The following ARHGAP15 variants were observed in gnomAD, a reference collection of about 807,000 sequenced individuals.
ARHGAP15 encodes rho GTPase-activating protein 15.
Under a neutral mutation model 63.7 loss-of-function variants are expected in ARHGAP15, and 51 were observed. That is an observed-to-expected ratio of 0.80 (90% CI 0.64 to 1.01). ARHGAP15 has a LOEUF of 1.01. Among genes scored for constraint, ARHGAP15 ranks in the 50% least tolerant of loss-of-function variants. The pLI, the probability that ARHGAP15 is intolerant of heterozygous loss-of-function variation, is 0.00. For synonymous variants in ARHGAP15, 191 were observed against 193.8 expected (o/e 0.99, Z 0.12); for missense variants, 560 against 564.6 (o/e 0.99, Z 0.08).
chr2:143,277,720 C>T (rs1681630929), intron 6 of ARHGAP15, among the ~76,000 whole-genome samples: 1 of 152,054 alleles, frequency 6.6e-6, no homozygotes, highest in African/African-American at 2.4e-5. Flanking sequence ...GTAAAATGGG[C>T]CATGATTCCT....
At chr2:143,160,727 A>G (rs147763730) in intron 2 of ARHGAP15, among the ~76,000 whole-genome samples, 4 of 152,110 alleles carry the variant, frequency 2.6e-5, no homozygotes, top group African/African-American at 9.6e-5. Context: ...TGCCCCTGGG[A>G]GAAGAAGATT....
intron 10 of ARHGAP15, among the ~76,000 whole-genome samples, chr2:143,536,869 A>G (rs1198837168): frequency 6.6e-6 from 1 of 152,108 alleles, no homozygotes; most frequent in Non-Finnish European, 1.5e-5. Context: ...CATGATTTAT[A>G]ATCCTTTGGG....
intron 2 of ARHGAP15, among the ~76,000 whole-genome samples, chr2:143,193,663 G>A (rs1167248750): frequency 6.6e-6 from 1 of 152,126 alleles, no homozygotes. Context: ...ATTGTTCAAA[G>A]CTTGGCTTCC....
intron 10 of ARHGAP15, among the ~76,000 whole-genome samples, chr2:143,555,457 T>C (rs1488077544): frequency 6.6e-6 from 1 of 152,184 alleles, no homozygotes; most frequent in African/African-American, 2.4e-5. Flanking sequence ...GAATATACAT[T>C]CTTGACATTA....
chr2:143,766,879 T>C (rs2072940799), intron 13 of ARHGAP15: 1 of 152,160 alleles, frequency 6.6e-6, no homozygotes, highest in Non-Finnish European at 1.5e-5. Context: ...ATACCAGTCT[T>C]TCTGCCACCT....
At chr2:143,600,960 A>G (rs1037528295) in intron 11 of ARHGAP15, among the ~76,000 whole-genome samples, 6 of 152,320 alleles carry the variant, frequency 3.9e-5, no homozygotes, top group African/African-American at 1.4e-4. Context: ...CACATTTAAA[A>G]TATGACCTAT....
intron 6 of ARHGAP15, among the ~76,000 whole-genome samples, chr2:143,389,606 G>A (rs960972222): frequency 6.6e-6 from 1 of 152,136 alleles, no homozygotes. Flanking sequence ...GCACCTTTCT[G>A]TATCACTGTT....
chr2:143,751,436 C>G (rs1686369072), intron 13 of ARHGAP15, among the ~76,000 whole-genome samples: 1 of 152,176 alleles, frequency 6.6e-6, no homozygotes, highest in South Asian at 2.1e-4. Context: ...CATCAAGGGT[C>G]CAGCACAGTC....
At chr2:143,344,341 TATC>T (rs2105294392) in intron 6 of ARHGAP15, 1 of 152,254 alleles carries the variant, frequency 6.6e-6, no homozygotes, top group Non-Finnish European at 1.5e-5. Context: ...TGTATGTAAA[TATC>T]AACAAGTTTT....
intron 10 of ARHGAP15, among the ~76,000 whole-genome samples, chr2:143,554,865 A>T (rs1695721575): frequency 6.6e-6 from 1 of 152,118 alleles, no homozygotes; most frequent in Non-Finnish European, 1.5e-5. Context: ...ACGAAGAAAA[A>T]ATATATTGAT....
intron 6 of ARHGAP15, among the ~76,000 whole-genome samples, chr2:143,362,073 G>A (rs1158260886): frequency 2.0e-5 from 3 of 152,052 alleles, no homozygotes; most frequent in Non-Finnish European, 4.4e-5. Context: ...TTTTAACCAG[G>A]AATGCTGTTC....
chr2:143,349,021 A>AT (rs1434541582), intron 6 of ARHGAP15, among the ~76,000 whole-genome samples: 2 of 152,190 alleles, frequency 1.3e-5, no homozygotes, highest in African/African-American at 2.4e-5. Context: ...AAGGAATGAA[A>AT]TAACTCCTAA....
intron 6 of ARHGAP15, among the ~76,000 whole-genome samples, chr2:143,319,375 T>C (rs1436755113): frequency 6.6e-6 from 1 of 151,702 alleles, no homozygotes; most frequent in Non-Finnish European, 1.5e-5. Flanking sequence ...CAGGCGCGCA[T>C]CACCATGCCT....
In ARHGAP15 at chr2:143,178,186, C is replaced by T. The variant is rs114501861; in HGVS notation, c.165+22531C>T. On this transcript the variant is annotated intron_variant, in intron 2 of 13. Coordinates refer to ENST00000295095, the MANE Select transcript of ARHGAP15 (RefSeq NM_018460.4). ...AGGAGGATTACAAGATTTATTATGC[C>T]GCACCATAATTATCTATCAATGGTC... 7.5e-3 allele frequency among the ~76,000 whole-genome samples: 1,145 copies of T among 152,228 alleles called. 8 individuals carry two copies. Among genetic ancestry groups the T allele is most frequent in the Non-Finnish European group, 8.8e-3 (598 of 68,020 alleles).
chr2:143,136,742 G>T (rs1246530645), intron 1 of ARHGAP15, among the ~76,000 whole-genome samples: 1 of 151,938 alleles, frequency 6.6e-6, no homozygotes, highest in African/African-American at 2.4e-5. Flanking sequence ...TTTACAATTT[G>T]TCTTCTTTCA....
intron 6 of ARHGAP15, among the ~76,000 whole-genome samples, chr2:143,259,728 G>C (rs1680623310): frequency 6.6e-6 from 1 of 152,124 alleles, no homozygotes; most frequent in Admixed American, 6.6e-5. Flanking sequence ...TCCCTGTCTT[G>C]TCGTGGAATG....
chr2:143,253,910 G>A (rs990973121), intron 6 of ARHGAP15, among the ~76,000 whole-genome samples: 1 of 152,030 alleles, frequency 6.6e-6, no homozygotes, highest in Non-Finnish European at 1.5e-5. Context: ...CTAAGTTAAA[G>A]TGGTAAATGT....
At chr2:143,450,751 T>A (rs1690370206) in intron 8 of ARHGAP15, among the ~76,000 whole-genome samples, 1 of 151,718 alleles carries the variant, frequency 6.6e-6, no homozygotes, top group Non-Finnish European at 1.5e-5. Flanking sequence ...AGAAATGCAA[T>A]TTTTTTTACT....
chr2:143,392,030 A>G (rs1403670200), intron 6 of ARHGAP15, among the ~76,000 whole-genome samples: 1 of 151,906 alleles, frequency 6.6e-6, no homozygotes, highest in Non-Finnish European at 1.5e-5. Flanking sequence ...CTTTGACAAA[A>G]AAAACAAAAA....
Sources: allele counts gnomAD v4.1 joint callset (sites outside exome capture counted in the v4.1 genomes callset), GRCh38; gene constraint gnomAD v4.1.1; transcripts MANE v1.5; gene names NCBI Gene and HGNC (gene_info 2026-07-23, HGNC 2026-07-21).